Variants in PLCL1 observed in about 807,000 individuals in gnomAD.
PLCL1 encodes the protein phospholipase C like 1 (inactive).
PLCL1 carries 41 observed loss-of-function variants against 84.4 expected under a neutral mutation model. The ratio of observed to expected loss-of-function variants is 0.49; its 90% CI spans 0.38 to 0.63. The LOEUF is 0.63. Ranked by LOEUF, PLCL1 falls within the 30% of genes least tolerant of loss-of-function variation. PLCL1 has a pLI of 0.00. For missense variants in PLCL1, 1,206 were observed against 1,367.8 expected (o/e 0.88, Z 1.87); for synonymous variants, 490 against 488.3 (o/e 1.00, Z -0.05).
intron 1 of PLCL1, among the ~76,000 whole-genome samples, chr2:197,940,476 A>G (rs1026876115): frequency 6.6e-6 from 1 of 152,228 alleles, no homozygotes; most frequent in African/African-American, 2.4e-5. Context: ...TCTGATAACA[A>G]TTCCTTGATT....
intron 1 of PLCL1, among the ~76,000 whole-genome samples, chr2:197,923,057 G>C (rs1439777724): frequency 1.2e-4 from 16 of 130,362 alleles, no homozygotes; most frequent in Non-Finnish European, 2.3e-4. Flanking sequence ...CCTCCCAGAC[G>C]GGGCGGCTGG....
intron 1 of PLCL1, among the ~76,000 whole-genome samples, chr2:197,884,610 A>G (rs574245977): frequency 2.6e-4 from 40 of 152,294 alleles, no homozygotes; most frequent in Admixed American, 2.4e-3. Context: ...AGCAAATTCT[A>G]TCACTATCCA....
At chr2:198,054,427 G>A (rs146496164) in intron 1 of PLCL1, among the ~76,000 whole-genome samples, 40 of 152,310 alleles carry the variant, frequency 2.6e-4, no homozygotes, top group African/African-American at 8.9e-4. Context: ...CATCTTAGGC[G>A]ACAAGACAAG....
intron 5 of PLCL1, among the ~76,000 whole-genome samples, chr2:198,130,588 T>G (rs575632581): frequency 6.6e-6 from 1 of 152,230 alleles, no homozygotes; most frequent in East Asian, 1.9e-4. Context: ...AAGGTCGGCA[T>G]GTCTCCAGCT....
At chr2:197,852,271 A>T (rs1469396612) in intron 1 of PLCL1, among the ~76,000 whole-genome samples, 1 of 152,186 alleles carries the variant, frequency 6.6e-6, no homozygotes, top group African/African-American at 2.4e-5. Flanking sequence ...GGGAGATGGC[A>T]CTGCTGTGTG....
chr2:197,994,385 C>T lies in PLCL1; in HGVS notation c.241-89373C>T, dbSNP rs188934365. On this transcript the variant is annotated intron_variant, in intron 1 of 5. Coordinates refer to ENST00000428675, the MANE Select transcript of PLCL1 (RefSeq NM_006226.4). ...TTGTATTTTAACATCCTGTAACAAA[C>T]ATCATATGCAGTCCATATCCCTAAA... Among the ~76,000 whole-genome samples, 61 of 152,226 alleles carry T rather than the reference C, an allele frequency of 4.0e-4. 1 individual carries two copies. The East Asian group carries it at 8.9e-3, about 22-fold the overall frequency.
chr2:197,889,729 C>T (rs1009390725), intron 1 of PLCL1, among the ~76,000 whole-genome samples: 1 of 151,770 alleles, frequency 6.6e-6, no homozygotes, highest in Non-Finnish European at 1.5e-5. Flanking sequence ...TCTTGCAAAT[C>T]TTAGTTTTGT....
At chr2:197,932,971 GT>G (rs1447247951) in intron 1 of PLCL1, among the ~76,000 whole-genome samples, 1 of 152,200 alleles carries the variant, frequency 6.6e-6, no homozygotes, top group Non-Finnish European at 1.5e-5. Context: ...AAAACAATAA[GT>G]TAGAATTTCA....
At chr2:197,995,275 C>A (rs749885811) in intron 1 of PLCL1, among the ~76,000 whole-genome samples, 1 of 152,094 alleles carries the variant, frequency 6.6e-6, no homozygotes, top group Non-Finnish European at 1.5e-5. Context: ...ACTGTTCATT[C>A]TTTCCTTTCC....
intron 1 of PLCL1, among the ~76,000 whole-genome samples, chr2:197,961,781 T>A (rs1448740831): frequency 6.6e-6 from 1 of 152,022 alleles, no homozygotes; most frequent in Non-Finnish European, 1.5e-5. Flanking sequence ...TGTTTTGATT[T>A]ACAGGATAGG....
intron 1 of PLCL1, among the ~76,000 whole-genome samples, chr2:197,874,308 G>A (rs985807637): frequency 9.2e-5 from 14 of 151,846 alleles, no homozygotes; most frequent in African/African-American, 2.2e-4. Flanking sequence ...AATTATCTTC[G>A]TTATAGAAAA....
intron 1 of PLCL1, among the ~76,000 whole-genome samples, chr2:197,947,043 A>G (rs984824848): frequency 3.9e-5 from 6 of 152,040 alleles, no homozygotes; most frequent in Non-Finnish European, 8.8e-5. Flanking sequence ...TACCCAGTAA[A>G]TATTTATTGA....
At chr2:197,920,970 T>C (rs1688689496) in intron 1 of PLCL1, among the ~76,000 whole-genome samples, 1 of 152,184 alleles carries the variant, frequency 6.6e-6, no homozygotes, top group African/African-American at 2.4e-5. Context: ...GACAGGGCAT[T>C]GTTAGGCGAT....
At chr2:197,976,899 A>G (rs549792509) in intron 1 of PLCL1, among the ~76,000 whole-genome samples, 1 of 152,218 alleles carries the variant, frequency 6.6e-6, no homozygotes, top group South Asian at 2.1e-4. Flanking sequence ...CTTGGGCTGA[A>G]TCTTGGCTTT....
intron 1 of PLCL1, among the ~76,000 whole-genome samples, chr2:197,822,382 G>A (rs1690832244): frequency 6.6e-6 from 1 of 152,096 alleles, no homozygotes; most frequent in Non-Finnish European, 1.5e-5. Context: ...CTTTCCTTAG[G>A]CAGTCCTATT....
chr2:198,090,382 C>G (rs1692993989), intron 3 of PLCL1, among the ~76,000 whole-genome samples: 1 of 151,116 alleles, frequency 6.6e-6, no homozygotes, highest in Non-Finnish European at 1.5e-5. Flanking sequence ...CTTATTTATG[C>G]TTTTCTGTAT....
At chr2:197,951,921 G>C (rs1016662732) in intron 1 of PLCL1, among the ~76,000 whole-genome samples, 4 of 152,110 alleles carry the variant, frequency 2.6e-5, no homozygotes, top group Admixed American at 2.0e-4. Flanking sequence ...TGTTCACAAG[G>C]CCAGTCCAGA....
chr2:197,993,147 C>T (rs906959966), intron 1 of PLCL1, among the ~76,000 whole-genome samples: 17 of 152,152 alleles, frequency 1.1e-4, no homozygotes, highest in Non-Finnish European at 2.2e-4. Context: ...TCTGCATACC[C>T]TAGCCAACAC....
intron 1 of PLCL1, 159 bp from the exon 2 acceptor site, chr2:198,083,599 A>G: frequency 1.8e-6 from 1 of 556,996 alleles, no homozygotes; most frequent in South Asian, 3.2e-5. Context: ...CTTTCTTAGC[A>G]ATTTCTCTTT....
Sources: allele counts gnomAD v4.1 joint callset (sites outside exome capture counted in the v4.1 genomes callset), GRCh38; gene constraint gnomAD v4.1.1; transcripts MANE v1.5; gene names NCBI Gene and HGNC (gene_info 2026-07-23, HGNC 2026-07-21).